Variants in MAP3K11 observed in about 807,000 individuals in gnomAD.
MAP3K11 encodes SH3 domain-containing proline-rich kinase.
In MAP3K11, 46 loss-of-function variants were observed where a neutral mutation model predicts 84.9. That is an observed-to-expected ratio of 0.54 (90% CI 0.43 to 0.69). The LOEUF (loss-of-function observed/expected upper bound fraction) is 0.69, where lower values mean the gene tolerates loss of function less well. Among genes scored for constraint, MAP3K11 ranks in the 30% least tolerant of loss-of-function variants. The pLI is 0.00. For synonymous variants in MAP3K11, 527 were observed against 514.7 expected (o/e 1.02, Z -0.32); for missense variants, 1,053 against 1,198.3 (o/e 0.88, Z 1.79).
At chr11:65,610,087 C>T (rs1854556876) in intron 1 of MAP3K11, 1 of 152,688 alleles carries the variant, frequency 6.5e-6, no homozygotes, top group African/African-American at 2.4e-5. Flanking sequence ...CTGACTCAGC[C>T]TCTTCCAGGT....
intron 2 of MAP3K11, 74 bp downstream of exon 2, chr11:65,608,194 G>C: frequency 6.3e-7 from 1 of 1,590,640 alleles, no homozygotes; most frequent in Non-Finnish European, 8.6e-7. Context: ...ACTTGGCCCA[G>C]CCCTAGATTT....
intron 5 of MAP3K11, chr11:65,607,030 C>G (rs1426169210): frequency 1.5e-6 from 1 of 648,162 alleles, no homozygotes; most frequent in Non-Finnish European, 2.5e-6. Context: ...GCCCACTAGA[C>G]CTTCCCAGAA....
Position 65,598,296 on chromosome 11 carries a change from GC to G in MAP3K11, c.2538del (p.Pro847LeufsTer100). The G allele has an allele frequency of 2.7e-6, 4 of 1,468,364 alleles. No homozygotes were observed. The highest frequency in any genetic ancestry group is 1.4e-5 in the African/African-American group (1 of 70,428). The allele number at this position is 1,468,364 out of a possible 1,614,324, so 91.0% of individuals were successfully genotyped here. The stretch of plus-strand genomic sequence containing the variant: ...GGGGGAGTGGCCTGGCCCACTCAAG[GC>G]CCCGCTTCCGGCACCCACGGGGCCT... ...GAQAPWVPEA[G>X]P is the part of the protein sequence containing the mutation. On this transcript the variant is annotated frameshift_variant, in exon 10 of 10. Coordinates refer to ENST00000309100, the MANE Select transcript of MAP3K11 (RefSeq NM_002419.4). LOFTEE classifies it high-confidence loss of function.
chr11:65,611,748 A>C (rs1207048677), intron 1 of MAP3K11: 1 of 152,288 alleles, frequency 6.6e-6, no homozygotes, highest in African/African-American at 2.4e-5. Flanking sequence ...TTTTTTCTGG[A>C]AAGAAAACGG....
intron 8 of MAP3K11, among the ~76,000 whole-genome samples, chr11:65,604,887 T>A (rs1854490850): frequency 6.6e-6 from 1 of 151,998 alleles, no homozygotes; most frequent in African/African-American, 2.4e-5. Flanking sequence ...AGGCCATAAC[T>A]CTCTGGCCTC....
chr11:65,602,286 C>T (rs1359018373), intron 8 of MAP3K11, among the ~76,000 whole-genome samples: 1 of 150,234 alleles, frequency 6.7e-6, no homozygotes, highest in African/African-American at 2.5e-5. Flanking sequence ...CCAAGTAGGG[C>T]AGATCACTTG....
rs1854538211 is a variant in MAP3K11 at position 65,608,438 on chromosome 11, C to G, written c.750G>C (p.Leu250=). Residue 250 remains leucine (L), a synonymous_variant, in exon 2 of 10, where the codon CTG becomes CTC. Coordinates refer to ENST00000309100, the MANE Select transcript of MAP3K11 (RefSeq NM_002419.4). ...RDLKSNNILL[L]QPIESDDMEH... The stretch of plus-strand genomic sequence containing the variant: ...CCATGTCGTCACTCTCAATGGGCTG[C>G]AGCAGCAAAACTAGAGAAGAGGGGC... 6.2e-7 allele frequency: 1 copy of G among 1,614,092 alleles called. No homozygotes were observed. Among genetic ancestry groups the G allele is most frequent in the Non-Finnish European group, 8.5e-7 (1 of 1,179,986 alleles).
At position 65,606,078 on chromosome 11, in the gene MAP3K11, T is replaced by G. The variant is rs1209765133; in HGVS notation, c.1607A>C (p.Glu536Ala). The change falls in exon 7 of 10, where the codon GAG (glutamate) becomes GCG (alanine). Residue 536 changes from glutamate (E) to alanine (A), a missense_variant. This residue lies in a region of MAP3K11 where 583 missense variants were observed against 566.6 expected (regional missense o/e 1.03). Coordinates refer to ENST00000309100, the MANE Select transcript of MAP3K11 (RefSeq NM_002419.4). ...CCATGCCTGGCCTGGCTCTGCAGGC[T>G]CCACTGCAGGGGAAACCGATGAAAT... is the stretch of plus-strand genomic sequence containing the variant. The part of the protein sequence containing the change: ...TFPRFRAIQL[E>A]PAEPGQAWGR... 6.4e-7 allele frequency: 1 copy of G among 1,571,538 alleles called. No homozygotes were observed. The highest frequency in any genetic ancestry group is 1.2e-5 in the South Asian group (1 of 85,928).
chr11:65,613,162 C>G lies in MAP3K11; in HGVS notation c.595G>C (p.Gly199Arg). 1 of 1,591,512 alleles carries G rather than the reference C, an allele frequency of 6.3e-7. No individual in the cohort carries two copies. The highest frequency in any genetic ancestry group is 8.6e-7 in the Non-Finnish European group (1 of 1,168,432). The change falls in exon 1 of 10, where the codon GGG becomes CGG. Residue 199 changes from glycine (G) to arginine (R), a missense_variant. Gly to Arg is a moderately radical substitution (Grantham distance 125). Coordinates refer to ENST00000309100, the MANE Select transcript of MAP3K11 (RefSeq NM_002419.4). ...LCLVMEYAAG[G>R]PLSRALAGRR... ...CCGGCCAGAGCTCGGCTGAGGGGCC[C>G]ACCGGCTGCATACTCCATCACCAGG...
intron 8 of MAP3K11, among the ~76,000 whole-genome samples, chr11:65,600,933 T>C (rs564010005): frequency 1.3e-5 from 2 of 152,274 alleles, no homozygotes; most frequent in East Asian, 3.9e-4. Flanking sequence ...CCCCAACCCT[T>C]ACTCAGACTC....
In MAP3K11 at chr11:65,606,760, G is replaced by A. The variant is rs1284056410; in HGVS notation, c.1534C>T (p.Arg512Trp). 1 of 1,606,444 alleles carries A rather than the reference G, an allele frequency of 6.2e-7. No homozygotes were observed. Residue 512 changes from arginine (R) to tryptophan (W), a missense_variant, in exon 6 of 10, where the codon CGG (arginine) becomes TGG (tryptophan). Around this residue, in one of 3 missense-constraint regions of MAP3K11, gnomAD observed 583 missense variants for 566.6 expected, o/e 1.03. Coordinates refer to ENST00000309100, the MANE Select transcript of MAP3K11 (RefSeq NM_002419.4). ...CCGACCTCGAAGACGTTTCTCCTCCGGTCAAGGCCGGGTGAGGCCTGCACG... is the reference window on the plus strand; with the variant it reads ...CCGACCTCGAAGACGTTTCTCCTCCAGTCAAGGCCGGGTGAGGCCTGCACG... ...ITVQASPGLD[R>W]RRNVFEVGPG...
Position 65,607,927 on chromosome 11 carries a change from A to G in MAP3K11, c.1064T>C (p.Met355Thr). The change falls in exon 3 of 10, where the codon ATG becomes ACG. Residue 355 changes from methionine (M) to threonine (T), a missense_variant. Met to Thr is a moderately conservative substitution (Grantham distance 81). Transcript: ENST00000309100. ...STCPEPFAQL[M>T]ADCWAQDPHR... ...TGCCCTCCCCGTCCTCTTACCGGCC[A>G]TAAGCTGTGCGAAGGGCTCGGGGCA... 1.2e-6 allele frequency: 2 copies of G among 1,614,020 alleles called. No homozygotes were observed. The highest frequency in any genetic ancestry group is 2.2e-5 in the East Asian group (1 of 44,866).
chr11:65,608,137 C>T, intron 2 of MAP3K11, 67 bp from the exon 3 acceptor site: 1 of 1,599,576 alleles, frequency 6.3e-7, no homozygotes, highest in Non-Finnish European at 8.6e-7. Flanking sequence ...ACTGCCACTT[C>T]ACCCAAAAGC....
At chr11:65,605,355 C>T (rs1362214075) in intron 8 of MAP3K11, among the ~76,000 whole-genome samples, 1 of 152,202 alleles carries the variant, frequency 6.6e-6, no homozygotes, top group Non-Finnish European at 1.5e-5. Context: ...ACTTGTTTGG[C>T]TCCACCCCAC....
At chr11:65,600,630 G>A (rs1854445554) in intron 8 of MAP3K11, among the ~76,000 whole-genome samples, 1 of 152,218 alleles carries the variant, frequency 6.6e-6, no homozygotes, top group South Asian at 2.1e-4. Flanking sequence ...CACTTGGGCA[G>A]GGATGGGGAA....
Position 65,597,907 on chromosome 11 carries a change from G to A in MAP3K11, c.*384C>T, listed in dbSNP as rs1854399157. On this transcript the variant is annotated 3_prime_UTR_variant, in exon 10 of 10. Coordinates refer to ENST00000309100, the MANE Select transcript of MAP3K11 (RefSeq NM_002419.4). ...AGGAGGTCCATGCTCTAAGCCCTAG[G>A]GCAGGGGCCGCAGTAGCAGGACTTG... The A allele has an allele frequency of 5.4e-6, 1 of 185,966 alleles. No homozygotes were observed. Among genetic ancestry groups the A allele is most frequent in the African/African-American group, 2.3e-5 (1 of 42,796 alleles). The allele number at this position is 185,966 out of a possible 1,614,324, so 11.5% of individuals were successfully genotyped here.
Position 65,608,437 on chromosome 11 carries a change from G to T in MAP3K11, c.751C>A (p.Gln251Lys), listed in dbSNP as rs566592915. 6.0e-5 allele frequency: 97 copies of T among 1,614,128 alleles called. 1 individual carries two copies. The South Asian group carries it at 1.0e-3, about 17-fold the overall frequency. The change falls in exon 2 of 10, where the codon CAG becomes AAG. Residue 251 changes from glutamine to lysine, a missense_variant. Around this residue, in one of 3 missense-constraint regions of MAP3K11, gnomAD observed 310 missense variants for 464.5 expected, o/e 0.67. Coordinates refer to ENST00000309100, the MANE Select transcript of MAP3K11 (RefSeq NM_002419.4). ...DLKSNNILLL[Q>K]PIESDDMEHK... ...TCCATGTCGTCACTCTCAATGGGCT[G>T]CAGCAGCAAAACTAGAGAAGAGGGG...
At chr11:65,610,455 C>T (rs1389474902) in intron 1 of MAP3K11, 2 of 152,264 alleles carry the variant, frequency 1.3e-5, no homozygotes, top group South Asian at 2.1e-4. Flanking sequence ...AAGCACTTAT[C>T]GTATCTCCGC....
Position 65,613,488 on chromosome 11 carries a change from C to T in MAP3K11, c.269G>A (p.Gly90Asp), listed in dbSNP as rs1854605897. ...DEGWWAGQVG[G>D]QVGIFPSNYV... is the part of the protein sequence containing the mutation. ...GTTGGACGGGAAGATGCCCACCTGG[C>T]CACCCACCTGGCCCGCCCACCAGCC... Residue 90 changes from glycine (G) to aspartate (D), a missense_variant, in exon 1 of 10, where the codon GGC (glycine) becomes GAC (aspartate). Coordinates refer to ENST00000309100, the MANE Select transcript of MAP3K11 (RefSeq NM_002419.4). The T allele has an allele frequency of 6.2e-7, 1 of 1,611,962 alleles. No homozygotes were observed. Among genetic ancestry groups the T allele is most frequent in the Non-Finnish European group, 8.5e-7 (1 of 1,179,318 alleles).
Sources: gnomAD v4.1 joint callset for allele counts (sites outside exome capture counted in the v4.1 genomes callset) on GRCh38, gnomAD v4.1.1 for gene constraint, gnomAD v4.1.1 regional missense constraint, MANE v1.5 for transcripts, NCBI Gene and HGNC (gene_info 2026-07-23, HGNC 2026-07-21) for gene names.